The following GLRB variants were observed in gnomAD, a reference collection of about 807,000 sequenced individuals.
The protein encoded by GLRB is glycine receptor beta, also known as glycine receptor subunit beta.
Under a neutral mutation model 54.2 loss-of-function variants are expected in GLRB, and 33 were observed. The observed-to-expected ratio is 0.61, with a 90% CI of 0.46 to 0.81. GLRB has a LOEUF of 0.81. GLRB is among the 40% of genes least tolerant of loss of function. The pLI, the probability that GLRB is intolerant of heterozygous loss-of-function variation, is 0.00. For synonymous variants in GLRB, 209 were observed against 208.2 expected (o/e 1.00, Z -0.03); for missense variants, 572 against 584.6 (o/e 0.98, Z 0.22).
At chr4:157,093,868 C>T (rs1293112256) in intron 2 of GLRB, among the ~76,000 whole-genome samples, 1 of 151,816 alleles carries the variant, frequency 6.6e-6, no homozygotes, top group East Asian at 1.9e-4. Flanking sequence ...TTTTAAACCA[C>T]CGTGAAAAAT....
chr4:157,111,674 G>C (rs942428675), intron 2 of GLRB, among the ~76,000 whole-genome samples: 4 of 151,980 alleles, frequency 2.6e-5, no homozygotes, highest in East Asian at 1.9e-4. Context: ...ATGTCCTTGA[G>C]GGGGAGTAAG....
At chr4:157,084,029 A>T (rs1734319669) in intron 2 of GLRB, among the ~76,000 whole-genome samples, 1 of 152,190 alleles carries the variant, frequency 6.6e-6, no homozygotes, top group African/African-American at 2.4e-5. Context: ...TTGTAGGTAC[A>T]TCATATATGA....
chr4:157,138,057 C>A (rs759086709), intron 6 of GLRB, among the ~76,000 whole-genome samples: 43 of 152,062 alleles, frequency 2.8e-4, no homozygotes, highest in Middle Eastern at 3.4e-3. Context: ...GGGAATTTTG[C>A]AGTGATCATA....
intron 9 of GLRB, among the ~76,000 whole-genome samples, chr4:157,166,624 G>A (rs187066628): frequency 5.3e-5 from 8 of 151,944 alleles, no homozygotes; most frequent in South Asian, 2.1e-4. Flanking sequence ...TAGAGGTTCC[G>A]TCCACCCCAC....
chr4:157,162,297 A>C (rs1049967105), intron 9 of GLRB, among the ~76,000 whole-genome samples: 15 of 151,946 alleles, frequency 9.9e-5, no homozygotes, highest in African/African-American at 3.6e-4. Context: ...TAGCTCAGAG[A>C]AGTTTATTAC....
intron 2 of GLRB, among the ~76,000 whole-genome samples, chr4:157,087,208 T>C: frequency 6.6e-6 from 1 of 152,282 alleles, no homozygotes; most frequent in South Asian, 2.1e-4. Context: ...GGACTGTATT[T>C]AGATGTTTAG....
intron 7 of GLRB, among the ~76,000 whole-genome samples, chr4:157,142,947 A>G (rs557362045): frequency 6.6e-6 from 1 of 152,306 alleles, no homozygotes; most frequent in African/African-American, 2.4e-5. Context: ...ACATCTGGAA[A>G]TACCTTTTCT....
intron 4 of GLRB, among the ~76,000 whole-genome samples, chr4:157,131,223 CCTTAT>C (rs1277775489): frequency 6.6e-6 from 1 of 151,604 alleles, no homozygotes; most frequent in African/African-American, 2.4e-5. Context: ...AATATTTTTG[CCTTAT>C]CTTAAAACTT....
At chr4:157,141,081 G>A (rs1043413047) in intron 7 of GLRB, among the ~76,000 whole-genome samples, 5 of 151,810 alleles carry the variant, frequency 3.3e-5, no homozygotes, top group Non-Finnish European at 5.9e-5. Context: ...ATTCATTTTA[G>A]TTCTTAGAAT....
intron 4 of GLRB, among the ~76,000 whole-genome samples, chr4:157,124,138 T>G (rs1171637588): frequency 6.6e-6 from 1 of 151,688 alleles, no homozygotes; most frequent in Non-Finnish European, 1.5e-5. Context: ...GATAAAATAT[T>G]TCATCATTTC....
intron 9 of GLRB, among the ~76,000 whole-genome samples, chr4:157,167,547 T>C (rs775366467): frequency 2.0e-5 from 3 of 152,156 alleles, no homozygotes; most frequent in Non-Finnish European, 4.4e-5. Flanking sequence ...AAGTAGTCTT[T>C]TAAAAATTCA....
chr4:157,113,701 A>G (rs77795935), intron 2 of GLRB, among the ~76,000 whole-genome samples: 4,674 of 149,932 alleles, frequency 0.031, 118 homozygotes, highest in African/African-American at 0.069. Flanking sequence ...CAGTTCCTGA[A>G]ACCCAGGTGA....
Position 157,136,522 on chromosome 4 carries a change from G to A in GLRB, c.351G>A (p.Lys117=). 6.2e-7 allele frequency: 1 copy of A among 1,613,276 alleles called. No homozygotes were observed. The highest frequency in any genetic ancestry group is 2.2e-5 in the East Asian group (1 of 44,838). ...LRQKWNDPRL[K]LPSDFRGSDA... ...AAAAATGGAATGACCCCAGGCTGAA[G>A]CTCCCCAGTGATTTTAGGGGTTCAG... is the stretch of plus-strand genomic sequence containing the variant. The change falls in exon 5 of 10, where the codon AAG becomes AAA. Residue 117 remains lysine (K), a synonymous_variant. Coordinates refer to ENST00000264428, the MANE Select transcript of GLRB (RefSeq NM_000824.5).
At chr4:157,128,990 G>A (rs1024956237) in intron 4 of GLRB, among the ~76,000 whole-genome samples, 2 of 151,804 alleles carry the variant, frequency 1.3e-5, no homozygotes, top group African/African-American at 4.8e-5. Flanking sequence ...GATTATATAT[G>A]TGAGCTATTC....
chr4:157,141,142 T>A (rs1366113472), intron 7 of GLRB, among the ~76,000 whole-genome samples: 5 of 151,890 alleles, frequency 3.3e-5, no homozygotes, highest in Non-Finnish European at 7.4e-5. Flanking sequence ...GGGGGATTAC[T>A]CAAGAGTTAT....
Position 157,149,678 on chromosome 4 carries a change from A to G in GLRB, c.905-3040A>G, listed in dbSNP as rs146305329. On this transcript the variant is annotated intron_variant, in intron 8 of 9. Coordinates refer to ENST00000264428, the MANE Select transcript of GLRB (RefSeq NM_000824.5). Reference sequence around the variant, plus strand: ...TATTAACAACAATTTCAAATGTACAAATTTGGTGATTATCACAGTATGAGA... The same window carrying G: ...TATTAACAACAATTTCAAATGTACAGATTTGGTGATTATCACAGTATGAGA... Among the ~76,000 whole-genome samples the G allele has an allele frequency of 2.0e-3, 311 of 152,170 alleles. 1 individual carries two copies. Among genetic ancestry groups the G allele is most frequent in the African/African-American group, 7.0e-3 (291 of 41,562 alleles).
chr4:157,168,300 G>A (rs999349198), intron 9 of GLRB, among the ~76,000 whole-genome samples: 2 of 152,114 alleles, frequency 1.3e-5, no homozygotes, highest in Admixed American at 6.6e-5. Context: ...CAGACAAGAA[G>A]CCACTTTTTT....
intron 7 of GLRB, among the ~76,000 whole-genome samples, chr4:157,139,408 G>A (rs1239113305): frequency 6.6e-6 from 1 of 152,074 alleles, no homozygotes; most frequent in Non-Finnish European, 1.5e-5. Context: ...TATGCAGGAA[G>A]CAATAAGAAT....
At chr4:157,092,082 C>A (rs960556369) in intron 2 of GLRB, among the ~76,000 whole-genome samples, 13 of 152,088 alleles carry the variant, frequency 8.5e-5, no homozygotes, top group African/African-American at 3.1e-4. Flanking sequence ...CTGTTACTGA[C>A]CAATAGTGCA....
Sources: gnomAD v4.1 joint callset for allele counts (sites outside exome capture counted in the v4.1 genomes callset) on GRCh38, gnomAD v4.1.1 for gene constraint, MANE v1.5 for transcripts, NCBI Gene and HGNC (gene_info 2026-07-23, HGNC 2026-07-21) for gene names.